Variants in INTS4 observed in about 807,000 individuals in gnomAD.
INTS4 encodes the protein integrator complex subunit 4.
A neutral mutation model predicts 119.5 loss-of-function variants in INTS4; 70 were observed. That is an observed-to-expected ratio of 0.59 (90% CI 0.48 to 0.71). INTS4 has a LOEUF of 0.71. INTS4 is among the 30% of genes least tolerant of loss of function. The pLI, the probability that INTS4 is intolerant of heterozygous loss-of-function variation, is 0.00. For missense variants in INTS4, 867 were observed against 1,173.2 expected (o/e 0.74, Z 3.81); for synonymous variants, 316 against 419.6 (o/e 0.75, Z 3.02).
chr11:77,905,638 A>G (rs978664465), intron 16 of INTS4, among the ~76,000 whole-genome samples: 5 of 152,160 alleles, frequency 3.3e-5, no homozygotes, highest in South Asian at 2.1e-4. Context: ...GTACATCTGC[A>G]TTTGTGAAAG....
chr11:77,879,130 GA>G lies in INTS4; in HGVS notation c.2714-4del, dbSNP rs777902160. The G allele has an allele frequency of 1.6e-5, 26 of 1,610,590 alleles. No individual in the cohort carries two copies. The highest frequency in any genetic ancestry group is 2.1e-5 in the Non-Finnish European group (25 of 1,179,056). On this transcript the variant is annotated splice_region_variant and splice_polypyrimidine_tract_variant and intron_variant, in intron 22 of 22. Coordinates refer to ENST00000534064, the MANE Select transcript of INTS4 (RefSeq NM_033547.4). ...CCTCACTTCCACCTGGCATGCCTCT[GA>G]AAAAAAGATAAAAGAAATCCTCTAT...
chr11:77,979,987 A>AG (rs2136641021), intron 3 of INTS4, among the ~76,000 whole-genome samples: 1 of 132,518 alleles, frequency 7.5e-6, no homozygotes, highest in East Asian at 2.1e-4. Flanking sequence ...CAAAAAAAAA[A>AG]AAAAAAAGAA....
intron 10 of INTS4, among the ~76,000 whole-genome samples, chr11:77,937,570 C>T (rs527328156): frequency 6.6e-6 from 1 of 152,116 alleles, no homozygotes; most frequent in South Asian, 2.1e-4. Context: ...ATAGGGAGGC[C>T]CTGTCTCTAC....
intron 7 of INTS4, among the ~76,000 whole-genome samples, chr11:77,957,549 T>TAAA (rs1214239877): frequency 7.0e-6 from 1 of 143,146 alleles, no homozygotes; most frequent in Non-Finnish European, 1.5e-5. Flanking sequence ...GACCCTGCCT[T>TAAA]AAAAAAAAAA....
chr11:77,937,188 AAGAG>A (rs1175867967), intron 10 of INTS4, among the ~76,000 whole-genome samples: 1 of 152,092 alleles, frequency 6.6e-6, no homozygotes, highest in Non-Finnish European at 1.5e-5. Flanking sequence ...CCGAAAAAAA[AAGAG>A]AGAGAAAGAA....
chr11:77,937,405 C>T (rs1038884139), intron 10 of INTS4, among the ~76,000 whole-genome samples: 8 of 151,990 alleles, frequency 5.3e-5, no homozygotes, highest in Non-Finnish European at 7.4e-5. Context: ...AAGATAAAAA[C>T]GACAGCAGAT....
Position 77,903,615 on chromosome 11 carries a change from C to G in INTS4, c.2022G>C (p.Leu674Phe). The G allele has an allele frequency of 6.2e-7, 1 of 1,613,230 alleles. No individual in the cohort carries two copies. Among genetic ancestry groups the G allele is most frequent in the South Asian group, 1.1e-5 (1 of 90,930 alleles). ...LRCQLLLIKA[L>F]QEKLWNVAAP... Reference sequence around the variant, plus strand: ...CAGCTACATTCCACAACTTTTCCTGCAAGGCCTACGCAGACAAATCAGGAG... The same window carrying G: ...CAGCTACATTCCACAACTTTTCCTGGAAGGCCTACGCAGACAAATCAGGAG... Residue 674 changes from leucine (L) to phenylalanine (F), a missense_variant, in exon 17 of 23, where the codon TTG (leucine) becomes TTC (phenylalanine). Physicochemically the swap from Leu to Phe is conservative, Grantham distance 22. Transcript: ENST00000534064.
At chr11:77,991,636 C>T (rs1406440676) in intron 1 of INTS4, among the ~76,000 whole-genome samples, 3 of 151,720 alleles carry the variant, frequency 2.0e-5, no homozygotes, top group African/African-American at 7.3e-5. Flanking sequence ...AATCCTGGCA[C>T]CTCAGCCTCC....
chr11:77,988,147 G>A (rs1368343681), intron 2 of INTS4, among the ~76,000 whole-genome samples: 2 of 152,150 alleles, frequency 1.3e-5, no homozygotes, highest in East Asian at 3.9e-4. Context: ...TCCCTTCAAT[G>A]TTCCTAGGAA....
intron 11 of INTS4, among the ~76,000 whole-genome samples, chr11:77,925,979 C>G (rs1367223413): frequency 2.6e-5 from 4 of 152,242 alleles, no homozygotes; most frequent in Non-Finnish European, 5.9e-5. Flanking sequence ...AGAAATTCCC[C>G]ATTCCTCAAT....
chr11:77,955,993 G>A lies in INTS4; in HGVS notation c.867C>T (p.His289=), dbSNP rs774560542. 1 of 1,611,592 alleles carries A rather than the reference G, an allele frequency of 6.2e-7. No individual in the cohort carries two copies. Among genetic ancestry groups the A allele is most frequent in the Non-Finnish European group, 8.5e-7 (1 of 1,179,770 alleles). Reference sequence around the variant, plus strand: ...CCACCCAAGAGCCATCACTGACCATGTGACAAATTTTGCCAAACGCATCAT... The same window carrying A: ...CCACCCAAGAGCCATCACTGACCATATGACAAATTTTGCCAAACGCATCAT... ...LVDDAFGKIC[H]MVSDGSWVVR... Residue 289 remains histidine (H), a synonymous_variant, in exon 8 of 23, where the codon CAC becomes CAT. Transcript: ENST00000534064.
intron 17 of INTS4, among the ~76,000 whole-genome samples, chr11:77,902,508 G>T (rs1178544447): frequency 6.6e-6 from 1 of 152,138 alleles, no homozygotes; most frequent in African/African-American, 2.4e-5. Flanking sequence ...GGGTATCAGA[G>T]GATCTGGTCT....
At chr11:77,983,585 C>G (rs1856328927) in intron 2 of INTS4, among the ~76,000 whole-genome samples, 1 of 152,148 alleles carries the variant, frequency 6.6e-6, no homozygotes, top group South Asian at 2.1e-4. Flanking sequence ...AAAAGAGGCT[C>G]AACATCACTA....
chr11:77,947,462 C>T (rs630711), intron 8 of INTS4, among the ~76,000 whole-genome samples: 110,064 of 152,084 alleles, frequency 0.72, 40,085 homozygotes, highest in African/African-American at 0.78. Flanking sequence ...AGAAACCTCG[C>T]AGACCAAGAG....
chr11:77,899,112 T>C (rs1393642904), intron 18 of INTS4, among the ~76,000 whole-genome samples: 1 of 152,156 alleles, frequency 6.6e-6, no homozygotes, highest in Non-Finnish European at 1.5e-5. Flanking sequence ...GGTACTACTA[T>C]TATCTCAGTT....
chr11:77,894,213 A>G, intron 19 of INTS4, 77 bp downstream of exon 19: 1 of 729,824 alleles, frequency 1.4e-6, no homozygotes, highest in Non-Finnish European at 2.4e-6. Flanking sequence ...GTGATTTGTG[A>G]TTGTTCCTAT....
intron 8 of INTS4, among the ~76,000 whole-genome samples, chr11:77,948,787 GAAAGA>G (rs1954114618): frequency 9.6e-6 from 1 of 104,270 alleles, no homozygotes; most frequent in Non-Finnish European, 2.1e-5. Flanking sequence ...CTGTCTCAAA[GAAAGA>G]AAAAAAAAAA....
chr11:77,981,735 TTTCTTTTA>T (rs1856230759), intron 2 of INTS4, among the ~76,000 whole-genome samples, 159 bp from the exon 3 acceptor site: 1 of 123,164 alleles, frequency 8.1e-6, no homozygotes, highest in East Asian at 2.7e-4. Context: ...GAGAGACAGC[TTTCTTTTA>T]TTTATTTATT....
intron 2 of INTS4, among the ~76,000 whole-genome samples, chr11:77,990,751 G>A (rs1398258591): frequency 6.6e-6 from 1 of 151,460 alleles, no homozygotes; most frequent in Non-Finnish European, 1.5e-5. Context: ...AGATATGAGG[G>A]CCATGAATTA....
Sources: allele counts gnomAD v4.1 joint callset (sites outside exome capture counted in the v4.1 genomes callset), GRCh38; gene constraint gnomAD v4.1.1; transcripts MANE v1.5; gene names NCBI Gene and HGNC (gene_info 2026-07-23, HGNC 2026-07-21).